The following PRLR variants were observed in gnomAD, a reference collection of about 807,000 sequenced individuals.
PRLR encodes the protein prolactin receptor.
In PRLR, 13 loss-of-function variants were observed where a neutral mutation model predicts 40.2. That is an observed-to-expected ratio of 0.32 (90% CI 0.21 to 0.51). The LOEUF is 0.51. PRLR is among the 20% of genes least tolerant of loss of function. PRLR has a pLI of 0.97. For missense variants in PRLR, 656 were observed against 747.3 expected (o/e 0.88, Z 1.42); for synonymous variants, 269 against 278.7 (o/e 0.97, Z 0.35).
At chr5:35,115,029 G>T (rs1772926515) in intron 2 of PRLR, among the ~76,000 whole-genome samples, 1 of 152,180 alleles carries the variant, frequency 6.6e-6, no homozygotes, top group Non-Finnish European at 1.5e-5. Flanking sequence ...GTATTCAGTA[G>T]AACTTTCAAT....
At chr5:35,207,614 TTGTGTG>T (rs142502829) in intron 1 of PRLR, among the ~76,000 whole-genome samples, 9 of 146,886 alleles carry the variant, frequency 6.1e-5, no homozygotes, top group Admixed American at 1.4e-4. Context: ...CAATGGGAGA[TTGTGTG>T]TGTGTGTGTG....
rs555168400 is a variant in PRLR at position 35,125,261 on chromosome 5, T to C, written c.-105-7139A>G. Among the ~76,000 whole-genome samples, 6 of 152,304 alleles carry C rather than the reference T, an allele frequency of 3.9e-5. No individual in the cohort carries two copies. In the South Asian group the frequency reaches 1.2e-3, roughly 32 times the overall value. On this transcript the variant is annotated intron_variant, in intron 1 of 9. Transcript: ENST00000618457. ...GTCTGTAGAAATTGGCCAACGATCATCTTGATTGGGACAATGATGGGTTGG... is the reference window on the plus strand; with the variant it reads ...GTCTGTAGAAATTGGCCAACGATCACCTTGATTGGGACAATGATGGGTTGG...
rs185315836 is a variant in PRLR at position 35,142,039 on chromosome 5, G to C, written c.-105-23917C>G. On this transcript the variant is annotated intron_variant, in intron 1 of 9. Transcript: ENST00000618457. ...AGAGTTGGAAAAAATGGCAATTCTC[G>C]AATGTTTAATTTTTTCACTGGATGT... Among the ~76,000 whole-genome samples, 5 of 152,134 alleles carry C rather than the reference G, an allele frequency of 3.3e-5. No homozygotes were observed. The South Asian group carries it at 8.3e-4, about 25-fold the overall frequency.
chr5:35,165,453 AT>A (rs1196858069), intron 1 of PRLR, among the ~76,000 whole-genome samples: 2 of 152,176 alleles, frequency 1.3e-5, no homozygotes, highest in Non-Finnish European at 2.9e-5. Context: ...GGAAATAATG[AT>A]TTCTTCTTTT....
intron 1 of PRLR, among the ~76,000 whole-genome samples, chr5:35,154,633 T>C (rs1228319635): frequency 2.0e-5 from 3 of 152,156 alleles, no homozygotes; most frequent in Admixed American, 6.5e-5. Context: ...GCAATTCCCT[T>C]ACCGAGTATA....
At chr5:35,124,733 G>C (rs1297554546) in intron 1 of PRLR, among the ~76,000 whole-genome samples, 1 of 151,468 alleles carries the variant, frequency 6.6e-6, no homozygotes. Flanking sequence ...GACTTCTCTG[G>C]GAGCCAGAAT....
chr5:35,074,169 A>T (rs1214667044), intron 5 of PRLR, among the ~76,000 whole-genome samples: 1 of 152,204 alleles, frequency 6.6e-6, no homozygotes, highest in Non-Finnish European at 1.5e-5. Context: ...TGGATAAAAA[A>T]TGTGGTAGAG....
intron 2 of PRLR, among the ~76,000 whole-genome samples, chr5:35,107,619 A>C (rs979359283): frequency 6.6e-6 from 1 of 152,208 alleles, no homozygotes; most frequent in Non-Finnish European, 1.5e-5. Flanking sequence ...TAAACTAGAA[A>C]ATCTAGAAGA....
intron 1 of PRLR, among the ~76,000 whole-genome samples, chr5:35,212,566 C>A (rs769832087): frequency 6.6e-6 from 1 of 151,898 alleles, no homozygotes; most frequent in Non-Finnish European, 1.5e-5. Flanking sequence ...CCTTTTTTCC[C>A]CCCAGTGAAG....
intron 1 of PRLR, among the ~76,000 whole-genome samples, chr5:35,222,881 C>T (rs1287123730): frequency 6.6e-6 from 1 of 152,176 alleles, no homozygotes; most frequent in Non-Finnish European, 1.5e-5. Context: ...GGGAAGATTG[C>T]AGATGCTTAT....
At chr5:35,225,587 GTTAAA>G (rs1244686539) in intron 1 of PRLR, among the ~76,000 whole-genome samples, 4 of 152,288 alleles carry the variant, frequency 2.6e-5, no homozygotes, top group East Asian at 1.9e-4. Flanking sequence ...AAGGAAAAAG[GTTAAA>G]TTAATTTTAA....
intron 1 of PRLR, among the ~76,000 whole-genome samples, chr5:35,192,949 T>A (rs1404556340): frequency 6.6e-6 from 1 of 152,106 alleles, no homozygotes; most frequent in African/African-American, 2.4e-5. Flanking sequence ...GAGATCTGAG[T>A]GTGGTTTTTT....
At chr5:35,176,926 G>A (rs1775164755) in intron 1 of PRLR, among the ~76,000 whole-genome samples, 1 of 152,230 alleles carries the variant, frequency 6.6e-6, no homozygotes, top group African/African-American at 2.4e-5. Flanking sequence ...TATAAAACCC[G>A]ATTGTATGCT....
chr5:35,225,655 C>A (rs1366703556), intron 1 of PRLR, among the ~76,000 whole-genome samples: 4 of 152,260 alleles, frequency 2.6e-5, no homozygotes, highest in African/African-American at 9.6e-5. Context: ...AACACACAAT[C>A]AATATAAAAA....
chr5:35,085,641 A>G (rs778507112), intron 4 of PRLR, among the ~76,000 whole-genome samples: 1 of 152,196 alleles, frequency 6.6e-6, no homozygotes, highest in Admixed American at 6.6e-5. Flanking sequence ...AAAACCTAAT[A>G]TACCACATTT....
At chr5:35,176,089 T>A (rs920206662) in intron 1 of PRLR, among the ~76,000 whole-genome samples, 1 of 152,232 alleles carries the variant, frequency 6.6e-6, no homozygotes, top group South Asian at 2.1e-4. Context: ...AGCCCCCATG[T>A]TTATCTGCCT....
intron 5 of PRLR, among the ~76,000 whole-genome samples, chr5:35,083,443 T>TCG (rs1770647318): frequency 7.4e-6 from 1 of 134,298 alleles, no homozygotes; most frequent in African/African-American, 3.7e-5. Flanking sequence ...TCTCTTCCTC[T>TCG]CTCTCTGTGT....
Position 35,086,195 on chromosome 5 carries a change from G to A in PRLR, c.203+13C>T. ...TCATGTGGGGTTTCATAGGAGAGAA[G>A]GGAACTTCTTACCCTTCCCTGTGGT... is the stretch of plus-strand genomic sequence containing the variant. On this transcript the variant is annotated intron_variant, in intron 4 of 9. Coordinates refer to ENST00000618457, the MANE Select transcript of PRLR (RefSeq NM_000949.7). 1 of 1,613,576 alleles carries A rather than the reference G, an allele frequency of 6.2e-7. No homozygotes were observed. Among genetic ancestry groups the A allele is most frequent in the Non-Finnish European group, 8.5e-7 (1 of 1,179,724 alleles).
At chr5:35,143,278 C>T (rs1484715583) in intron 1 of PRLR, among the ~76,000 whole-genome samples, 2 of 152,108 alleles carry the variant, frequency 1.3e-5, no homozygotes, top group Non-Finnish European at 2.9e-5. Flanking sequence ...ATATGTATGG[C>T]TGTGTTTCAA....
Sources: gnomAD v4.1 joint callset for allele counts (sites outside exome capture counted in the v4.1 genomes callset) on GRCh38, gnomAD v4.1.1 for gene constraint, MANE v1.5 for transcripts, NCBI Gene and HGNC (gene_info 2026-07-23, HGNC 2026-07-21) for gene names.